Variants in DSG1 observed in about 807,000 individuals in gnomAD.
DSG1 encodes the protein desmoglein 1, also known as desmoglein-1.
Under a neutral mutation model 97.5 loss-of-function variants are expected in DSG1, and 39 were observed. That is an observed-to-expected ratio of 0.40 (90% CI 0.31 to 0.52). DSG1 has a LOEUF of 0.52. Among genes scored for constraint, DSG1 ranks in the 20% least tolerant of loss-of-function variants. The pLI, the probability that DSG1 is intolerant of heterozygous loss-of-function variation, is 0.53. For synonymous variants in DSG1, 475 were observed against 443.4 expected, an observed-to-expected ratio of 1.07 and a Z score of -0.90; for missense variants, 1,311 against 1,295.4, an observed-to-expected ratio of 1.01 and a Z score of -0.18.
rs143073535 is a variant in DSG1 at position 31,355,331 on chromosome 18, G to C, written c.3135G>C (p.Val1045=). ...GTCGAATCACAAAGTATAGTACCGT[G>C]CAATATAGCAAGTAGTCAGGACCCC... ...ARSRITKYST[V]QYSK The change falls in exon 15 of 15, where the codon GTG becomes GTC. Residue 1045 remains valine (V), a synonymous_variant. Coordinates refer to ENST00000257192, the MANE Select transcript of DSG1 (RefSeq NM_001942.4). The C allele has an allele frequency of 6.2e-7, 1 of 1,614,086 alleles. No homozygotes were observed. Among genetic ancestry groups the C allele is most frequent in the African/African-American group, 1.3e-5 (1 of 75,036 alleles).
At position 31,333,636 on chromosome 18, in the gene DSG1, C is replaced by T. The variant is rs12967407; in HGVS notation, c.732C>T (p.Gly244=). 750,115 of 1,613,032 alleles carry T rather than the reference C, an allele frequency of 0.47. 182,448 individuals carry two copies. Among genetic ancestry groups the T allele is most frequent in the Non-Finnish European group, 0.49 (582,534 of 1,179,338 alleles). Residue 244 remains glycine, a synonymous_variant, in exon 7 of 15, where the codon GGC becomes GGT. Transcript: ENST00000257192. Reference sequence around the variant, plus strand: ...CTGTAAGAGGCTCTGACCGAGATGGCGGGGCAGATGGCATGTCAGCGGAAT... The same window carrying T: ...CTGTAAGAGGCTCTGACCGAGATGGTGGGGCAGATGGCATGTCAGCGGAAT... ...ALAVRGSDRD[G]GADGMSAECE...
chr18:31,344,492 A>T lies in DSG1; in HGVS notation c.1891+497A>T, dbSNP rs115174221. On this transcript the variant is annotated intron_variant, in intron 13 of 14. Transcript: ENST00000257192. ...AGCTGCTTATTATAACAAAGAAAAAAACTGCATCCATTTTCAGTATCATCA... is the reference window on the plus strand; with the variant it reads ...AGCTGCTTATTATAACAAAGAAAAATACTGCATCCATTTTCAGTATCATCA... Among the ~76,000 whole-genome samples the T allele has an allele frequency of 4.6e-3, 702 of 152,340 alleles. 4 individuals are homozygous for T. Among genetic ancestry groups the T allele is most frequent in the African/African-American group, 0.016 (676 of 41,586 alleles).
chr18:31,333,492 A>G (rs1162958381), intron 6 of DSG1, 97 bp from the exon 7 acceptor site: 7 of 1,451,402 alleles, frequency 4.8e-6, no homozygotes, highest in African/African-American at 2.8e-5. Flanking sequence ...TCATAGATTT[A>G]TGTAAACGTT....
Position 31,343,499 on chromosome 18 carries a change from T to A in DSG1, c.1737T>A (p.Ser579Arg), listed in dbSNP as rs1305237927. Reference sequence around the variant, plus strand: ...GTGATTGTGGAGGTGCTCCTCGTAGTGCAGCTGGCTTTGAGCCTGTTCCCG... The same window carrying A: ...GTGATTGTGGAGGTGCTCCTCGTAGAGCAGCTGGCTTTGAGCCTGTTCCCG... ...ICCDCGGAPRSAAGFEPVPEC... is the reference protein window; with the variant it reads ...ICCDCGGAPRRAAGFEPVPEC... The change falls in exon 12 of 15, where the codon AGT becomes AGA. Residue 579 changes from serine (S) to arginine (R), a missense_variant. Physicochemically the swap from Ser to Arg is moderately radical, Grantham distance 110. This residue lies in a region of DSG1 where 1,038 missense variants were observed against 964.6 expected (regional missense o/e 1.08). Transcript: ENST00000257192. 1.2e-6 allele frequency: 2 copies of A among 1,614,080 alleles called. No homozygotes were observed. Among genetic ancestry groups the A allele is most frequent in the African/African-American group, 2.7e-5 (2 of 74,926 alleles).
chr18:31,321,545 C>T (rs2071653965), intron 1 of DSG1, among the ~76,000 whole-genome samples: 1 of 152,122 alleles, frequency 6.6e-6, no homozygotes, highest in South Asian at 2.1e-4. Context: ...TTCATAAAAG[C>T]TTTATTATTT....
At position 31,356,000 on chromosome 18, in the gene DSG1, A is replaced by C. The variant is rs2071954908; in HGVS notation, c.*654A>C. The C allele has an allele frequency of 6.5e-6, 1 of 153,088 alleles. No homozygotes were observed. Among genetic ancestry groups the C allele is most frequent in the Non-Finnish European group, 1.5e-5 (1 of 68,764 alleles). 9.5% of individuals were successfully genotyped at this position (153,088 alleles called of 1,614,324 possible). A position where few individuals can be genotyped will look rare whatever the true frequency, so the allele number is the denominator to read the frequency against. ...CTTCAGGGTAAACTAGCAATGCCTG[A>C]GCCTGAACCTTAATGTGGGGCCTCA... On this transcript the variant is annotated 3_prime_UTR_variant, in exon 15 of 15. Coordinates refer to ENST00000257192, the MANE Select transcript of DSG1 (RefSeq NM_001942.4).
At chr18:31,338,544 ACCCCTTT>A in intron 10 of DSG1, 90 bp downstream of exon 10, 1 of 1,434,278 alleles carries the variant, frequency 7.0e-7, no homozygotes, top group Non-Finnish European at 9.7e-7. Flanking sequence ...TTTTGAAGTA[ACCCCTTT>A]CCAACAAAAG....
chr18:31,340,869 C>T (rs900234622), intron 11 of DSG1, among the ~76,000 whole-genome samples: 5 of 152,126 alleles, frequency 3.3e-5, no homozygotes, highest in Non-Finnish European at 7.4e-5. Flanking sequence ...TCAAATAGAC[C>T]GAGGGTTAAA....
At chr18:31,351,036 T>C (rs988052902) in intron 14 of DSG1, among the ~76,000 whole-genome samples, 2 of 149,714 alleles carry the variant, frequency 1.3e-5, no homozygotes, top group African/African-American at 5.1e-5. Flanking sequence ...GCTCTTGCTT[T>C]TCTAGTTCTT....
At chr18:31,352,805 T>G (rs2071910550) in intron 14 of DSG1, among the ~76,000 whole-genome samples, 3 of 146,780 alleles carry the variant, frequency 2.0e-5, no homozygotes, top group African/African-American at 8.1e-5. Context: ...TCTCGAGCCT[T>G]GGTTTTCAGC....
chr18:31,346,646 C>G (rs1174562941), intron 14 of DSG1, among the ~76,000 whole-genome samples: 1 of 152,152 alleles, frequency 6.6e-6, no homozygotes, highest in African/African-American at 2.4e-5. Flanking sequence ...CTTCAAGACC[C>G]AGTCCAAATA....
intron 11 of DSG1, among the ~76,000 whole-genome samples, chr18:31,340,339 G>C (rs2071781114): frequency 6.6e-6 from 1 of 151,770 alleles, no homozygotes; most frequent in East Asian, 2.0e-4. Context: ...GGGTGTGGTG[G>C]CTCATGCCTG....
In DSG1 at chr18:31,324,368, A is replaced by G. The variant is rs557382631; in HGVS notation, c.49-2213A>G. Among the ~76,000 whole-genome samples the G allele has an allele frequency of 3.6e-4, 55 of 151,714 alleles. 3 individuals are homozygous for G. In the South Asian group the frequency reaches 0.011, roughly 32 times the overall value. Reference sequence around the variant, plus strand: ...AGGAACTCTTCTAGTTTTATCCTCAATTGCAGGCTGATTCTTGACTGTATC... The same window carrying G: ...AGGAACTCTTCTAGTTTTATCCTCAGTTGCAGGCTGATTCTTGACTGTATC... On this transcript the variant is annotated intron_variant, in intron 1 of 14. Transcript: ENST00000257192.
At chr18:31,349,111 A>G (rs2071870892) in intron 14 of DSG1, among the ~76,000 whole-genome samples, 1 of 121,700 alleles carries the variant, frequency 8.2e-6, no homozygotes, top group Non-Finnish European at 1.7e-5. Flanking sequence ...CTAACGTTTA[A>G]GTCTTTAATC....
At chr18:31,328,689 A>G (rs552127371) in intron 4 of DSG1, among the ~76,000 whole-genome samples, 1 of 152,262 alleles carries the variant, frequency 6.6e-6, no homozygotes, top group South Asian at 2.1e-4. Context: ...TAATGATTCT[A>G]GAGCTACTGC....
At chr18:31,333,537 AG>A in intron 6 of DSG1, 51 bp from the exon 7 acceptor site, 1 of 1,611,882 alleles carries the variant, frequency 6.2e-7, no homozygotes, top group Non-Finnish European at 8.5e-7. Context: ...CATAAGACAA[AG>A]TAAAGGCTGT....
intron 8 of DSG1, 42 bp from the exon 9 acceptor site, chr18:31,336,312 T>C: frequency 6.3e-7 from 1 of 1,578,782 alleles, no homozygotes; most frequent in Non-Finnish European, 8.6e-7. Context: ...CTGGAACGTT[T>C]TATTTTCTTA....
intron 13 of DSG1, among the ~76,000 whole-genome samples, chr18:31,345,666 A>G (rs904362166): frequency 6.6e-6 from 1 of 152,182 alleles, no homozygotes; most frequent in Admixed American, 6.5e-5. Context: ...TTTAACTTTC[A>G]GAATTTGAGT....
At position 31,357,630 on chromosome 18, in the gene DSG1, T is replaced by G. The variant is rs926276682; in HGVS notation, c.*2284T>G. Among the ~76,000 whole-genome samples the G allele has an allele frequency of 6.6e-6, 1 of 151,926 alleles. No homozygotes were observed. The highest frequency in any genetic ancestry group is 2.4e-5 in the African/African-American group (1 of 41,388). On this transcript the variant is annotated 3_prime_UTR_variant, in exon 15 of 15. Coordinates refer to ENST00000257192, the MANE Select transcript of DSG1 (RefSeq NM_001942.4). Reference sequence around the variant, plus strand: ...AACTGTTGCTGTCAAAATCCATTGGTTGTTAAGATCCCCCCAATTTAGTTA... The same window carrying G: ...AACTGTTGCTGTCAAAATCCATTGGGTGTTAAGATCCCCCCAATTTAGTTA...
Sources: gnomAD v4.1 joint callset for allele counts (sites outside exome capture counted in the v4.1 genomes callset) on GRCh38, gnomAD v4.1.1 for gene constraint, gnomAD v4.1.1 regional missense constraint, MANE v1.5 for transcripts, NCBI Gene and HGNC (gene_info 2026-07-23, HGNC 2026-07-21) for gene names.